Variants in NBEA observed in about 807,000 individuals in gnomAD.
The protein encoded by NBEA is lysosomal-trafficking regulator 2.
In NBEA, 44 loss-of-function variants were observed where a neutral mutation model predicts 343.4. The observed-to-expected ratio is 0.13, with a 90% CI of 0.10 to 0.16. NBEA has a LOEUF of 0.16. NBEA is among the 10% of genes least tolerant of loss of function. The probability of loss-of-function intolerance (pLI) is 1.00; values close to 1 mark genes in which losing one functional copy is unlikely to be tolerated. For synonymous variants in NBEA, 1,175 were observed against 1,238.7 expected, an observed-to-expected ratio of 0.95 and a Z score of 1.08; for missense variants, 2,555 against 3,631.3, an observed-to-expected ratio of 0.70 and a Z score of 7.62.
intron 11 of NBEA, 46 bp from the exon 12 acceptor site, chr13:35,109,244 T>A (rs777978448): frequency 6.8e-7 from 1 of 1,481,234 alleles, no homozygotes; most frequent in South Asian, 1.4e-5. Context: ...TTATACAATT[T>A]GATATTCTGG....
chr13:35,525,727 C>T (rs1391016627), intron 41 of NBEA, among the ~76,000 whole-genome samples: 2 of 152,094 alleles, frequency 1.3e-5, no homozygotes, highest in Admixed American at 6.5e-5. Flanking sequence ...TTATAGACAA[C>T]AGAATTTTAT....
intron 36 of NBEA, among the ~76,000 whole-genome samples, chr13:35,336,483 A>C (rs955872356): frequency 2.6e-5 from 4 of 152,114 alleles, no homozygotes; most frequent in Non-Finnish European, 4.4e-5. Context: ...TAAAGAGCTT[A>C]AAACAGAATT....
chr13:35,167,155 G>T (rs1271456844), intron 24 of NBEA, among the ~76,000 whole-genome samples: 14 of 151,994 alleles, frequency 9.2e-5, no homozygotes, highest in Non-Finnish European at 2.1e-4. Flanking sequence ...ATGGGAAATA[G>T]TTTAGGTTTC....
At chr13:35,174,277 A>C (rs1443341740) in intron 27 of NBEA, among the ~76,000 whole-genome samples, 2 of 152,102 alleles carry the variant, frequency 1.3e-5, no homozygotes, top group African/African-American at 4.8e-5. Flanking sequence ...AATCTATGTA[A>C]CTACTAGGTT....
At chr13:35,603,321 A>C (rs2082139633) in intron 47 of NBEA, among the ~76,000 whole-genome samples, 1 of 152,120 alleles carries the variant, frequency 6.6e-6, no homozygotes, top group South Asian at 2.1e-4. Flanking sequence ...CAAAACATAA[A>C]CCTCACAAAA....
At chr13:35,128,348 A>G (rs1294641579) in intron 17 of NBEA, among the ~76,000 whole-genome samples, 2 of 152,194 alleles carry the variant, frequency 1.3e-5, no homozygotes, top group East Asian at 1.9e-4. Context: ...TAATGATAAA[A>G]TAGAAACATT....
intron 41 of NBEA, among the ~76,000 whole-genome samples, chr13:35,519,221 A>T (rs977194587): frequency 6.6e-6 from 1 of 152,070 alleles, no homozygotes; most frequent in African/African-American, 2.4e-5. Flanking sequence ...TTTGGGGAAA[A>T]GTAAAAATTT....
Position 35,069,968 on chromosome 13 carries a change from T to G in NBEA, c.1300T>G (p.Leu434Val), listed in dbSNP as rs746843980. Reference sequence around the variant, plus strand: ...TTTGGCAGAACATCATAAACAGGTGTTATATGATGGGAAACTTGCAAGTAG... The same window carrying G: ...TTTGGCAGAACATCATAAACAGGTGGTATATGATGGGAAACTTGCAAGTAG... ...IHLAEHHKQV[L>V]YDGKLASSIA... The change falls in exon 9 of 59, where the codon TTA (leucine) becomes GTA (valine). Residue 434 changes from leucine to valine, a missense_variant. Physicochemically the swap from Leu to Val is conservative, Grantham distance 32 (BLOSUM62 1). This residue lies in a region of NBEA where 75 missense variants were observed against 237.4 expected (regional missense o/e 0.32). Coordinates refer to ENST00000379939, the MANE Select transcript of NBEA (RefSeq NM_001385012.1). The G allele has an allele frequency of 1.2e-6, 2 of 1,604,960 alleles. No individual in the cohort carries two copies. The highest frequency in any genetic ancestry group is 1.3e-5 in the African/African-American group (1 of 74,738).
chr13:34,990,593 T>G (rs2060717143), intron 1 of NBEA, among the ~76,000 whole-genome samples: 1 of 150,904 alleles, frequency 6.6e-6, no homozygotes, highest in South Asian at 2.1e-4. Flanking sequence ...ATTCTTCCCT[T>G]AGGCCTCTGG....
At position 35,262,080 on chromosome 13, in the gene NBEA, G is replaced by A. The variant is rs571239409; in HGVS notation, c.5777-28309G>A. Reference sequence around the variant, plus strand: ...AGCACATAGAAAGATGGCCAACATCGTTAGCGATCAGGTAAATGCAAATTA... The same window carrying A: ...AGCACATAGAAAGATGGCCAACATCATTAGCGATCAGGTAAATGCAAATTA... On this transcript the variant is annotated intron_variant, in intron 34 of 58. Coordinates refer to ENST00000379939, the MANE Select transcript of NBEA (RefSeq NM_001385012.1). Among the ~76,000 whole-genome samples the A allele has an allele frequency of 1.9e-3, 285 of 152,266 alleles. 3 individuals carry two copies. The highest frequency in any genetic ancestry group is 6.8e-3 in the Middle Eastern group (2 of 294).
At chr13:35,457,348 A>G (rs1479984893) in intron 40 of NBEA, among the ~76,000 whole-genome samples, 1 of 152,150 alleles carries the variant, frequency 6.6e-6, no homozygotes, top group African/African-American at 2.4e-5. Context: ...ATATTCATTC[A>G]CAGAGTTATG....
intron 10 of NBEA, among the ~76,000 whole-genome samples, chr13:35,084,211 C>G (rs2064597161): frequency 1.3e-5 from 2 of 152,218 alleles, no homozygotes; most frequent in South Asian, 2.1e-4. Flanking sequence ...GAACTCAGCT[C>G]TGCACCAAGC....
chr13:35,005,514 T>C (rs972343551), intron 1 of NBEA, among the ~76,000 whole-genome samples: 1 of 152,194 alleles, frequency 6.6e-6, no homozygotes, highest in African/African-American at 2.4e-5. Context: ...TTGCTGTCTA[T>C]GGAACTATCA....
intron 38 of NBEA, among the ~76,000 whole-genome samples, chr13:35,380,662 T>C (rs777831914): frequency 1.3e-5 from 2 of 152,172 alleles, no homozygotes; most frequent in Admixed American, 1.3e-4. Flanking sequence ...TTACTAGTTA[T>C]AATAGTTTGT....
At chr13:35,094,442 CT>C (rs1281365324) in intron 10 of NBEA, among the ~76,000 whole-genome samples, 1 of 152,070 alleles carries the variant, frequency 6.6e-6, no homozygotes, top group Non-Finnish European at 1.5e-5. Flanking sequence ...CATTGGTCTT[CT>C]TTGAGATCAC....
chr13:35,274,850 A>T (rs1370689713), intron 34 of NBEA, among the ~76,000 whole-genome samples: 1 of 152,218 alleles, frequency 6.6e-6, no homozygotes, highest in Non-Finnish European at 1.5e-5. Flanking sequence ...TCAATGAAAT[A>T]AAAGAGGACA....
chr13:35,358,781 C>T (rs1009773542), intron 38 of NBEA, among the ~76,000 whole-genome samples: 1 of 151,936 alleles, frequency 6.6e-6, no homozygotes, highest in African/African-American at 2.4e-5. Context: ...AGAAAAGTGC[C>T]AAGTACTTTG....
intron 41 of NBEA, among the ~76,000 whole-genome samples, chr13:35,539,912 T>A (rs1358457081): frequency 9.4e-5 from 3 of 31,798 alleles, no homozygotes; most frequent in Non-Finnish European, 1.6e-4. Flanking sequence ...CAAGACTCCG[T>A]CTCAAAAAAA....
intron 41 of NBEA, among the ~76,000 whole-genome samples, chr13:35,494,213 C>A (rs929154175): frequency 2.6e-5 from 4 of 151,748 alleles, no homozygotes; most frequent in African/African-American, 7.3e-5. Flanking sequence ...GATTGAAGGA[C>A]CAATCATTGT....
Sources: allele counts gnomAD v4.1 joint callset (sites outside exome capture counted in the v4.1 genomes callset), GRCh38; gene constraint gnomAD v4.1.1; regional missense constraint gnomAD v4.1.1; transcripts MANE v1.5; gene names NCBI Gene and HGNC (gene_info 2026-07-23, HGNC 2026-07-21).